Variants in EFR3B observed in about 807,000 individuals in gnomAD.
The protein encoded by EFR3B is EFR3 homolog B.
A neutral mutation model predicts 104.7 loss-of-function variants in EFR3B; 64 were observed. That is an observed-to-expected ratio of 0.61 (90% confidence interval 0.50 to 0.75). EFR3B has a LOEUF of 0.75. Among genes scored for constraint, EFR3B ranks in the 30% least tolerant of loss-of-function variants. The pLI is 0.00. For missense variants in EFR3B, 750 were observed against 1,078.5 expected (o/e 0.70, Z 4.27); for synonymous variants, 385 against 417.9 (o/e 0.92, Z 0.96).
At chr2:25,079,521 G>A (rs1055588058) in intron 1 of EFR3B, among the ~76,000 whole-genome samples, 1 of 152,160 alleles carries the variant, frequency 6.6e-6, no homozygotes, top group African/African-American at 2.4e-5. Flanking sequence ...TGAAATATTT[G>A]TAAAGTGCTT....
chr2:25,070,522 C>T (rs909931584), intron 1 of EFR3B, among the ~76,000 whole-genome samples: 4 of 152,190 alleles, frequency 2.6e-5, no homozygotes, highest in African/African-American at 9.7e-5. Flanking sequence ...CTCAGCCTCC[C>T]AAAGTGCTAG....
chr2:25,065,198 T>C (rs1416874273), intron 1 of EFR3B, among the ~76,000 whole-genome samples: 2 of 152,158 alleles, frequency 1.3e-5, no homozygotes, highest in Admixed American at 1.3e-4. Flanking sequence ...TTATTTATTT[T>C]GAGACAAGGT....
At position 25,136,470 on chromosome 2, in the gene EFR3B, G is replaced by A. The variant is rs1227219040; in HGVS notation, c.1485-53G>A. 1.4e-5 allele frequency: 21 copies of A among 1,449,060 alleles called. No homozygotes were observed. The highest frequency in any genetic ancestry group is 1.7e-5 in the Non-Finnish European group (18 of 1,055,958). The allele number at this position is 1,449,060 out of a possible 1,614,324, so 89.8% of individuals were successfully genotyped here. On this transcript the variant is annotated intron_variant, in intron 13 of 22. Coordinates refer to ENST00000403714, the MANE Select transcript of EFR3B (RefSeq NM_014971.2). This position sits in a 1 kb window ranked among gnomAD's most constrained non-coding sequence, Gnocchi z 4.0. The stretch of plus-strand genomic sequence containing the variant: ...GATAAAGCTCAGTGACCCCGTGTGA[G>A]CTCAGGCTGGCCTCATGCAAGGGCT...
At chr2:25,044,119 T>C (rs971999402) in intron 1 of EFR3B, among the ~76,000 whole-genome samples, 2 of 152,072 alleles carry the variant, frequency 1.3e-5, no homozygotes, top group African/African-American at 4.8e-5. Flanking sequence ...TTTTATAATA[T>C]ATTTTTATTT....
chr2:25,138,072 T>C (rs369895476), intron 15 of EFR3B, among the ~76,000 whole-genome samples: 70 of 152,284 alleles, frequency 4.6e-4, no homozygotes, highest in African/African-American at 1.6e-3. Flanking sequence ...CTTGGGAGAC[T>C]GAGGCAGGAG....
rs13416529 is a variant in EFR3B at position 25,125,671 on chromosome 2, A to G, written c.486-2512A>G. 4.6e-3 allele frequency among the ~76,000 whole-genome samples: 703 copies of G among 152,326 alleles called. 5 individuals are homozygous for G. The highest frequency in any genetic ancestry group is 0.014 in the African/African-American group (566 of 41,580). On this transcript the variant is annotated intron_variant, in intron 5 of 22. Transcript: ENST00000403714. ...CCCAGTTAAAACCAAAGTTAAGGCCAGGCACGGTGGCTCACGCCTGTAATC... is the reference window on the plus strand; with the variant it reads ...CCCAGTTAAAACCAAAGTTAAGGCCGGGCACGGTGGCTCACGCCTGTAATC...
intron 4 of EFR3B, among the ~76,000 whole-genome samples, chr2:25,113,646 C>G (rs746561495): frequency 5.9e-5 from 8 of 134,848 alleles, no homozygotes; most frequent in Non-Finnish European, 1.1e-4. Flanking sequence ...CCAGCCTGGA[C>G]AACAGAGTGA....
chr2:25,128,462 C>G (rs1245133606), intron 6 of EFR3B, 130 bp downstream of exon 6: 2 of 1,224,478 alleles, frequency 1.6e-6, no homozygotes, highest in African/African-American at 3.0e-5. Flanking sequence ...GTGGCTTGTT[C>G]TGCAGTGAGT....
At chr2:25,128,595 G>C (rs1487923149) in intron 6 of EFR3B, among the ~76,000 whole-genome samples, 1 of 152,134 alleles carries the variant, frequency 6.6e-6, no homozygotes, top group African/African-American at 2.4e-5. Context: ...AAATCTGTTG[G>C]TAATAACACA....
chr2:25,140,330 A>G (rs775401128), intron 16 of EFR3B, among the ~76,000 whole-genome samples: 2 of 152,184 alleles, frequency 1.3e-5, no homozygotes, highest in Non-Finnish European at 2.9e-5. Flanking sequence ...AATGAAATAC[A>G]TTAGCAAAAC....
intron 16 of EFR3B, 91 bp downstream of exon 16, chr2:25,139,281 A>G (rs1670598393): frequency 7.1e-7 from 1 of 1,403,588 alleles, no homozygotes; most frequent in East Asian, 2.6e-5. Flanking sequence ...TCCTGTACCT[A>G]CACTTAGGCA....
intron 3 of EFR3B, among the ~76,000 whole-genome samples, chr2:25,094,883 G>A (rs1259470523): frequency 6.6e-6 from 1 of 152,042 alleles, no homozygotes; most frequent in East Asian, 1.9e-4. Flanking sequence ...TCAGCCTCCT[G>A]GGCTCAAGAC....
At chr2:25,152,290 C>G (rs1671034904) in intron 21 of EFR3B, among the ~76,000 whole-genome samples, 1 of 152,224 alleles carries the variant, frequency 6.6e-6, no homozygotes, top group African/African-American at 2.4e-5. Context: ...CCTCACACTT[C>G]TCACATAAGG....
At chr2:25,115,370 G>A (rs79862585) in intron 4 of EFR3B, among the ~76,000 whole-genome samples, 20 of 152,210 alleles carry the variant, frequency 1.3e-4, no homozygotes, top group Non-Finnish European at 1.2e-4. Context: ...TCCCAAGCCT[G>A]AGGCTCAGCT....
At chr2:25,125,720 G>T (rs1305216816) in intron 5 of EFR3B, among the ~76,000 whole-genome samples, 5 of 152,154 alleles carry the variant, frequency 3.3e-5, no homozygotes, top group Admixed American at 2.6e-4. Flanking sequence ...AGGCCAAGGC[G>T]GGAGGATCAC....
At chr2:25,129,166 C>A (rs1670254823) in intron 6 of EFR3B, among the ~76,000 whole-genome samples, 1 of 151,774 alleles carries the variant, frequency 6.6e-6, no homozygotes, top group Non-Finnish European at 1.5e-5. Flanking sequence ...ATCCCCTAAG[C>A]ATGGGATTCA....
chr2:25,133,240 T>G, intron 11 of EFR3B, 143 bp from the exon 12 acceptor site: 1 of 994,670 alleles, frequency 1.0e-6, no homozygotes, highest in Non-Finnish European at 1.5e-6. Context: ...CTTGGTCGGC[T>G]TCCTGGGTCC....
At chr2:25,123,936 C>T (rs1306620835) in intron 5 of EFR3B, among the ~76,000 whole-genome samples, 3 of 152,210 alleles carry the variant, frequency 2.0e-5, no homozygotes, top group Non-Finnish European at 4.4e-5. Flanking sequence ...GGCTCCCAGC[C>T]ACCAGCAGTG....
At chr2:25,085,139 G>A (rs926618300) in intron 1 of EFR3B, among the ~76,000 whole-genome samples, 31 of 152,100 alleles carry the variant, frequency 2.0e-4, no homozygotes, top group African/African-American at 7.0e-4. Flanking sequence ...CCCAACTATC[G>A]GAGCTCAAGA....
Sources: gnomAD v4.1 joint callset for allele counts (sites outside exome capture counted in the v4.1 genomes callset) on GRCh38, gnomAD v4.1.1 for gene constraint, Gnocchi (gnomAD v3.1) non-coding constraint, MANE v1.5 for transcripts, NCBI Gene and HGNC (gene_info 2026-07-23, HGNC 2026-07-21) for gene names.